The following AGBL1 variants were observed in gnomAD, a reference collection of about 807,000 sequenced individuals.
AGBL1 encodes AGBL carboxypeptidase 1, also known as cytosolic carboxypeptidase 4.
In AGBL1, 130 loss-of-function variants were observed where a neutral mutation model predicts 118.9. That is an observed-to-expected ratio of 1.09 (90% confidence interval 0.95 to 1.26). AGBL1 has a LOEUF of 1.26. AGBL1 is among the 50% of genes most tolerant of loss of function. The pLI is 0.00. For missense variants in AGBL1, 1,584 were observed against 1,298.1 expected, an observed-to-expected ratio of 1.22 and a Z score of -3.38; for synonymous variants, 555 against 478.9, an observed-to-expected ratio of 1.16 and a Z score of -2.08.
At chr15:86,245,816 G>C (rs1373139138) in intron 6 of AGBL1, among the ~76,000 whole-genome samples, 1 of 152,214 alleles carries the variant, frequency 6.6e-6, no homozygotes, top group Non-Finnish European at 1.5e-5. Flanking sequence ...CTACCACGTA[G>C]AGTCTATCCT....
intron 22 of AGBL1, among the ~76,000 whole-genome samples, chr15:86,694,368 T>C (rs1040974024): frequency 2.6e-5 from 4 of 151,754 alleles, no homozygotes; most frequent in African/African-American, 7.2e-5. Context: ...ACGTAAAGGG[T>C]GTTGAGTTAT....
At chr15:86,996,588 C>G (rs182913062) in intron 24 of AGBL1, among the ~76,000 whole-genome samples, 1 of 152,282 alleles carries the variant, frequency 6.6e-6, no homozygotes, top group East Asian at 1.9e-4. Flanking sequence ...GGCAACAGAG[C>G]AAGACCTTGT....
At chr15:86,405,931 A>G (rs1290119361) in intron 18 of AGBL1, among the ~76,000 whole-genome samples, 1 of 152,064 alleles carries the variant, frequency 6.6e-6, no homozygotes, top group Non-Finnish European at 1.5e-5. Flanking sequence ...TAGCAGGTTG[A>G]GGGGCTCCAT....
At chr15:86,324,981 C>A (rs942783104) in intron 17 of AGBL1, among the ~76,000 whole-genome samples, 3 of 152,078 alleles carry the variant, frequency 2.0e-5, no homozygotes, top group Non-Finnish European at 2.9e-5. Context: ...GGGAGACAGT[C>A]AAAGTAAGTG....
In AGBL1 at chr15:86,095,646, C is replaced by CTTTTTTTTTTT. The variant is rs1896319963; in HGVS notation, c.51+15623_51+15624insTTTTTTTTTTT. ...TCATAATGTCACATGACCTTGGATA[C>CTTTTTTTTTTT]CTTTTTTTTTTTTTTTTTTTTTTTT... is the stretch of plus-strand genomic sequence containing the variant. On this transcript the variant is annotated intron_variant, in intron 1 of 22. Coordinates refer to ENST00000614907, the MANE Select transcript of AGBL1 (RefSeq NM_001386094.1). Among the ~76,000 whole-genome samples, 68 of 116,684 alleles carry CTTTTTTTTTTT rather than the reference C, an allele frequency of 5.8e-4. 34 individuals carry two copies. Among genetic ancestry groups the CTTTTTTTTTTT allele is most frequent in the Non-Finnish European group, 5.6e-4 (32 of 57,540 alleles). 76.5% of individuals were successfully genotyped at this position (116,684 alleles called of 152,430 possible).
At chr15:86,753,809 A>C (rs2077893168) in intron 22 of AGBL1, among the ~76,000 whole-genome samples, 1 of 152,098 alleles carries the variant, frequency 6.6e-6, no homozygotes, top group African/African-American at 2.4e-5. Flanking sequence ...GAATGTCAGA[A>C]CACTGAACAT....
At chr15:86,257,656 T>C (rs2078918167) in intron 8 of AGBL1, among the ~76,000 whole-genome samples, 1 of 152,220 alleles carries the variant, frequency 6.6e-6, no homozygotes, top group Non-Finnish European at 1.5e-5. Context: ...CTACACTAGT[T>C]GCATAAATAC....
intron 18 of AGBL1, among the ~76,000 whole-genome samples, chr15:86,398,188 A>G (rs1433779450): frequency 6.6e-6 from 1 of 152,178 alleles, no homozygotes; most frequent in Non-Finnish European, 1.5e-5. Context: ...TCTTCGAAAT[A>G]TATGATGGGA....
At chr15:86,564,839 C>CT (rs766588238) in intron 21 of AGBL1, among the ~76,000 whole-genome samples, 1 of 152,150 alleles carries the variant, frequency 6.6e-6, no homozygotes, top group South Asian at 2.1e-4. Flanking sequence ...TGTTTTCACT[C>CT]TTTTTTCTCT....
intron 22 of AGBL1, among the ~76,000 whole-genome samples, chr15:86,859,296 A>C (rs1235699947): frequency 6.6e-6 from 1 of 152,210 alleles, no homozygotes; most frequent in Non-Finnish European, 1.5e-5. Context: ...GTGATGACCT[A>C]GACATTCACA....
chr15:86,434,667 C>T (rs1454102077), intron 18 of AGBL1, among the ~76,000 whole-genome samples: 2 of 152,136 alleles, frequency 1.3e-5, no homozygotes, highest in African/African-American at 2.4e-5. Context: ...TAAATAGAAT[C>T]CATTAGTCGG....
intron 5 of AGBL1, among the ~76,000 whole-genome samples, chr15:86,206,151 T>C (rs2077988616): frequency 6.6e-6 from 1 of 152,224 alleles, no homozygotes; most frequent in African/African-American, 2.4e-5. Flanking sequence ...CTCATCCTTT[T>C]TTTATGGCTG....
intron 1 of AGBL1, among the ~76,000 whole-genome samples, chr15:86,094,612 G>T (rs1282035755): frequency 2.0e-5 from 3 of 152,072 alleles, no homozygotes; most frequent in African/African-American, 7.2e-5. Context: ...ACCGAGCTCT[G>T]GAACTTAGAT....
intron 18 of AGBL1, among the ~76,000 whole-genome samples, chr15:86,410,149 A>G (rs2081588353): frequency 6.6e-6 from 1 of 152,256 alleles, no homozygotes; most frequent in East Asian, 1.9e-4. Flanking sequence ...GAAAGCCTAT[A>G]ATGGGAAAAT....
chr15:86,794,660 T>C (rs1416462796), intron 22 of AGBL1, among the ~76,000 whole-genome samples: 2 of 152,138 alleles, frequency 1.3e-5, no homozygotes, highest in African/African-American at 4.8e-5. Flanking sequence ...ATGCAGGGTC[T>C]CATGTTTACT....
chr15:86,907,306 A>T lies in AGBL1; in HGVS notation c.*12A>T, dbSNP rs546919250. On this transcript the variant is annotated 3_prime_UTR_variant, in exon 23 of 23. Transcript: ENST00000614907. ...AAGCCATCCCATAGCCCCGAGGTTC[A>T]CAGCAAGTTCTGTGTCTCCAACCAT... The T allele has an allele frequency of 7.9e-5, 12 of 152,440 alleles. No homozygotes were observed. The highest frequency in any genetic ancestry group is 2.9e-4 in the African/African-American group (12 of 41,578). 9.4% of individuals were successfully genotyped at this position (152,440 alleles called of 1,614,324 possible).
Position 86,892,428 on chromosome 15 carries a change from G to A in AGBL1, c.3159-14659G>A, listed in dbSNP as rs755452240. 2.0e-5 allele frequency among the ~76,000 whole-genome samples: 3 copies of A among 152,284 alleles called. No individual in the cohort carries two copies. The South Asian group carries it at 6.2e-4, about 32-fold the overall frequency. On this transcript the variant is annotated intron_variant, in intron 22 of 22. Coordinates refer to ENST00000614907, the MANE Select transcript of AGBL1 (RefSeq NM_001386094.1). ...TTCCAGTTCTTCCTCAGGCAGAGTA[G>A]ACCTTATCTATAAATATTTGTTGAT...
chr15:86,366,109 T>C (rs1205760081), intron 17 of AGBL1, among the ~76,000 whole-genome samples: 2 of 152,192 alleles, frequency 1.3e-5, no homozygotes, highest in Non-Finnish European at 2.9e-5. Context: ...TAAATGTGTT[T>C]TTTTCTGGTT....
intron 23 of AGBL1, among the ~76,000 whole-genome samples, chr15:86,975,306 C>T (rs1434140094): frequency 1.3e-5 from 2 of 152,042 alleles, no homozygotes; most frequent in Non-Finnish European, 2.9e-5. Context: ...TCACTTCTTA[C>T]GTGGTGGCAG....
Sources: gnomAD v4.1 joint callset for allele counts (sites outside exome capture counted in the v4.1 genomes callset) on GRCh38, gnomAD v4.1.1 for gene constraint, MANE v1.5 for transcripts, NCBI Gene and HGNC (gene_info 2026-07-23, HGNC 2026-07-21) for gene names.